RNF6: variants seen among roughly 807,000 people sequenced by gnomAD.
RNF6 encodes the protein E3 ubiquitin-protein ligase RNF6.
Under a neutral mutation model 50.1 loss-of-function variants are expected in RNF6, and 21 were observed. That is an observed-to-expected ratio of 0.42 (90% confidence interval 0.30 to 0.60). The LOEUF (loss-of-function observed/expected upper bound fraction) is 0.60, where lower values mean the gene tolerates loss of function less well. RNF6 is among the 20% of genes least tolerant of loss of function. The probability of loss-of-function intolerance (pLI) is 0.20; values close to 1 mark genes in which losing one functional copy is unlikely to be tolerated. For synonymous variants in RNF6, 255 were observed against 291.8 expected (o/e 0.87, Z 1.29); for missense variants, 698 against 838.2 (o/e 0.83, Z 2.07).
intron 5 of RNF6, among the ~76,000 whole-genome samples, chr13:26,203,129 C>G (rs1206071398): frequency 6.6e-6 from 1 of 152,218 alleles, no homozygotes; most frequent in African/African-American, 2.4e-5. Flanking sequence ...TCACCAAAGT[C>G]TGTGTACCTA....
chr13:26,140,518 T>C (rs975092396), intron 5 of RNF6, among the ~76,000 whole-genome samples: 2 of 152,170 alleles, frequency 1.3e-5, no homozygotes, highest in Admixed American at 6.5e-5. Context: ...GAACCATCTA[T>C]GACAAACCCA....
intron 5 of RNF6, among the ~76,000 whole-genome samples, chr13:26,149,460 G>A (rs954614369): frequency 2.6e-5 from 4 of 151,950 alleles, no homozygotes; most frequent in African/African-American, 9.7e-5. Flanking sequence ...GGTGGCAGGC[G>A]CCTGTAGTCC....
rs1440843708 is a variant in RNF6 at position 26,159,959 on chromosome 13, GAT to G, written n.769-27510_769-27509del. On this transcript the variant is annotated intron_variant and non_coding_transcript_variant, in intron 5 of 5. Coordinates refer to the RNF6 transcript ENST00000468480. ...AAGAAGTCAATTCCTTATATTTTTA[GAT>G]TTGTAGAGGCTAAAATTTTAAACAA... 2.0e-5 allele frequency among the ~76,000 whole-genome samples: 3 copies of G among 152,072 alleles called. No individual in the cohort carries two copies. In the East Asian group the frequency reaches 5.8e-4, roughly 29 times the overall value.
chr13:26,132,278 G>A (rs116489590), exon 6 of RNF6: 3,436 of 329,572 alleles, frequency 0.01, 93 homozygotes, highest in African/African-American at 0.062. Context: ...CATATTCTAT[G>A]TTCCATAAAA....
chr13:26,177,661 T>G (rs1468489748), intron 5 of RNF6, among the ~76,000 whole-genome samples: 1 of 152,194 alleles, frequency 6.6e-6, no homozygotes, highest in Non-Finnish European at 1.5e-5. Context: ...TATCCTCTTG[T>G]TCTAGCCAGA....
At chr13:26,155,925 C>T (rs1337864009) in intron 5 of RNF6, among the ~76,000 whole-genome samples, 1 of 152,136 alleles carries the variant, frequency 6.6e-6, no homozygotes, top group Non-Finnish European at 1.5e-5. Context: ...CCAGAGTGAG[C>T]TTCCTGGGTC....
intron 5 of RNF6, among the ~76,000 whole-genome samples, chr13:26,136,950 G>C (rs1447003401): frequency 6.6e-6 from 1 of 152,166 alleles, no homozygotes; most frequent in African/African-American, 2.4e-5. Context: ...AGAGCTGTGA[G>C]CTTTGTGATG....
intron 5 of RNF6, among the ~76,000 whole-genome samples, chr13:26,163,784 G>A (rs1004668096): frequency 2.0e-5 from 3 of 152,112 alleles, no homozygotes; most frequent in Non-Finnish European, 4.4e-5. Context: ...GAGGCTCTGG[G>A]TACTAACATG....
At position 26,213,567 on chromosome 13, in the gene RNF6, C is replaced by A. The variant is rs1869475087; in HGVS notation, c.*257G>T. On this transcript the variant is annotated 3_prime_UTR_variant, in exon 5 of 5. Transcript: ENST00000381588. ...AAAAGTGCTTAGCATGACAAAATTA[C>A]CAAAATAAAAACATTTTAGAGGTTA... 3.4e-6 allele frequency: 1 copy of A among 296,196 alleles called. No homozygotes were observed. The highest frequency in any genetic ancestry group is 4.6e-5 in the Admixed American group (1 of 21,606). The allele number at this position is 296,196 out of a possible 1,614,324, so 18.3% of individuals were successfully genotyped here. A position where few individuals can be genotyped will look rare whatever the true frequency, so the allele number is the denominator to read the frequency against.
At chr13:26,197,828 A>T (rs12184690) in intron 5 of RNF6, among the ~76,000 whole-genome samples, 8,797 of 151,840 alleles carry the variant, frequency 0.058, 936 homozygotes, top group African/African-American at 0.2. Flanking sequence ...GACTGAGACC[A>T]TCCTGGCTAA....
At chr13:26,160,739 C>A (rs1226637990) in intron 5 of RNF6, among the ~76,000 whole-genome samples, 1 of 152,030 alleles carries the variant, frequency 6.6e-6, no homozygotes, top group Non-Finnish European at 1.5e-5. Context: ...GTTTTCCTAC[C>A]TTTGTGGAGG....
rs1169961717 is a variant in RNF6, at chr13:26,184,018, ATTTTTTT to A, written n.768+31449_768+31455del. ...TATATATATATATATATATATATAT[ATTTTTTT>A]TTTTTTTTTTTTTTTTTTTGAGACA... On this transcript the variant is annotated intron_variant and non_coding_transcript_variant, in intron 5 of 5. Coordinates refer to the RNF6 transcript ENST00000468480. Among the ~76,000 whole-genome samples, 276 of 33,818 alleles carry A rather than the reference ATTTTTTT, an allele frequency of 8.2e-3. 1 individual carries two copies. Among genetic ancestry groups the A allele is most frequent in the Admixed American group, 0.037 (99 of 2,692 alleles). The allele number at this position is 33,818 out of a possible 152,430, so 22.2% of individuals were successfully genotyped here.
chr13:26,145,860 C>T (rs1399456595), intron 5 of RNF6, among the ~76,000 whole-genome samples: 1 of 152,154 alleles, frequency 6.6e-6, no homozygotes, highest in Non-Finnish European at 1.5e-5. Context: ...CACAATGGAC[C>T]TCACTCTACA....
intron 5 of RNF6, among the ~76,000 whole-genome samples, chr13:26,196,989 G>A (rs1868692510): frequency 6.6e-6 from 1 of 151,972 alleles, no homozygotes; most frequent in Non-Finnish European, 1.5e-5. Flanking sequence ...TATATATGAA[G>A]TGAGAAGTTT....
chr13:26,142,059 G>A lies in RNF6; in HGVS notation n.769-9608C>T, dbSNP rs1870981462. ...ATAACCCAAATAACCCCATTAAAAC[G>A]TGGGCTAAGAACATGAACAGACACT... On this transcript the variant is annotated intron_variant and non_coding_transcript_variant, in intron 5 of 5. Coordinates refer to the RNF6 transcript ENST00000468480. Among the ~76,000 whole-genome samples, 3 of 152,018 alleles carry A rather than the reference G, an allele frequency of 2.0e-5. No homozygotes were observed. In the South Asian group the frequency reaches 6.2e-4, roughly 32 times the overall value.
intron 5 of RNF6, among the ~76,000 whole-genome samples, chr13:26,198,791 G>A (rs1382047345): frequency 6.6e-6 from 1 of 151,934 alleles, no homozygotes; most frequent in Non-Finnish European, 1.5e-5. Context: ...CAAGGTCAGA[G>A]AATATAAGCT....
Position 26,213,737 on chromosome 13 carries a change from T to C in RNF6, c.*87A>G. On this transcript the variant is annotated 3_prime_UTR_variant, in exon 5 of 5. Coordinates refer to ENST00000381588, the MANE Select transcript of RNF6 (RefSeq NM_005977.4). ...ATATATAATCTGTTATTTTTCATCCTGGTTAGCTAATCACAAATAACTCAG... is the reference window on the plus strand; with the variant it reads ...ATATATAATCTGTTATTTTTCATCCCGGTTAGCTAATCACAAATAACTCAG... The C allele has an allele frequency of 9.2e-7, 1 of 1,082,872 alleles. No homozygotes were observed. The highest frequency in any genetic ancestry group is 1.3e-6 in the Non-Finnish European group (1 of 758,904). The allele number at this position is 1,082,872 out of a possible 1,614,324, so 67.1% of individuals were successfully genotyped here.
downstream of RNF6, among the ~76,000 whole-genome samples, chr13:26,209,784 G>GATATATAT (rs1165114430): frequency 3.4e-5 from 5 of 145,508 alleles, no homozygotes; most frequent in Admixed American, 7.0e-5. Context: ...GAGAAGATGT[G>GATATATAT]AGATATATAT....
chr13:26,179,872 C>G (rs777136827), intron 5 of RNF6, among the ~76,000 whole-genome samples: 4 of 152,216 alleles, frequency 2.6e-5, no homozygotes, highest in Non-Finnish European at 5.9e-5. Context: ...CTACCACAAG[C>G]AGGACATCCA....
Sources: gnomAD v4.1 joint callset for allele counts (sites outside exome capture counted in the v4.1 genomes callset) on GRCh38, gnomAD v4.1.1 for gene constraint, MANE v1.5 for transcripts, NCBI Gene and HGNC (gene_info 2026-07-23, HGNC 2026-07-21) for gene names.